The following HTR1F variants were observed in gnomAD, a reference collection of about 807,000 sequenced individuals.
HTR1F encodes 5-hydroxytryptamine receptor 1F.
A neutral mutation model predicts 24.0 loss-of-function variants in HTR1F; 17 were observed. That is an observed-to-expected ratio of 0.71 (90% CI 0.48 to 1.06). The LOEUF (loss-of-function observed/expected upper bound fraction) is 1.06, where lower values mean the gene tolerates loss of function less well. Among genes scored for constraint, HTR1F ranks in the 50% least tolerant of loss-of-function variants. The probability of loss-of-function intolerance (pLI) is 0.00; values close to 1 mark genes in which losing one functional copy is unlikely to be tolerated. For synonymous variants in HTR1F, 186 were observed against 156.8 expected (o/e 1.19, Z -1.39); for missense variants, 391 against 427.8 (o/e 0.91, Z 0.76).
intron 2 of HTR1F, among the ~76,000 whole-genome samples, chr3:87,901,827 T>C (rs897970505): frequency 5.3e-5 from 8 of 152,108 alleles, no homozygotes; most frequent in Non-Finnish European, 8.8e-5. Context: ...GTGACATATT[T>C]TATTTAGGCT....
At chr3:87,946,623 A>T (rs1451661145) in intron 2 of HTR1F, among the ~76,000 whole-genome samples, 195 of 89,928 alleles carry the variant, frequency 2.2e-3, no homozygotes, top group African/African-American at 7.0e-3. Context: ...ATATATATAT[A>T]TATATTTTTT....
chr3:87,913,679 C>A (rs1703829433), intron 2 of HTR1F, among the ~76,000 whole-genome samples: 1 of 152,088 alleles, frequency 6.6e-6, no homozygotes, highest in Non-Finnish European at 1.5e-5. Flanking sequence ...ATGGAATCAA[C>A]CTAAGCACCC....
chr3:87,845,845 A>C (rs1704928813), intron 2 of HTR1F, among the ~76,000 whole-genome samples: 1 of 152,000 alleles, frequency 6.6e-6, no homozygotes, highest in Non-Finnish European at 1.5e-5. Flanking sequence ...TATTTTATGG[A>C]ATATATATTT....
At chr3:87,955,862 T>G (rs1269023038) in intron 2 of HTR1F, among the ~76,000 whole-genome samples, 1 of 151,482 alleles carries the variant, frequency 6.6e-6, no homozygotes, top group East Asian at 1.9e-4. Flanking sequence ...TTAAATTTTG[T>G]GTCTATTTTT....
intron 2 of HTR1F, among the ~76,000 whole-genome samples, chr3:87,946,202 T>C (rs1268887603): frequency 1.3e-5 from 2 of 152,114 alleles, no homozygotes; most frequent in African/African-American, 4.8e-5. Flanking sequence ...CCCTGCCGGA[T>C]CCAGAGGGGT....
chr3:87,799,948 C>A (rs1703966877), intron 1 of HTR1F, among the ~76,000 whole-genome samples: 2 of 152,128 alleles, frequency 1.3e-5, no homozygotes, highest in African/African-American at 4.8e-5. Flanking sequence ...CTCCAAATTT[C>A]TTTTTTAAAG....
In HTR1F at chr3:87,836,118, A is replaced by G. The variant is rs373813910; in HGVS notation, c.-43+13994A>G. On this transcript the variant is annotated intron_variant, in intron 2 of 2. Transcript: ENST00000319595. ...TCTGCAAAGTGGTGAACATGTACCC[A>G]CTTGGCCAGATGGATTCCATGCTAG... 4.6e-4 allele frequency among the ~76,000 whole-genome samples: 70 copies of G among 152,324 alleles called. No individual in the cohort carries two copies. In the South Asian group the frequency reaches 0.014, roughly 30 times the overall value.
rs147336145 is a variant in HTR1F at position 87,981,414 on chromosome 3, C to T, written c.-42-9294C>T. Among the ~76,000 whole-genome samples the T allele has an allele frequency of 8.5e-4, 129 of 152,274 alleles. 3 individuals carry two copies. In the East Asian group the frequency reaches 0.016, roughly 19 times the overall value. ...TTCACCGTGTTGCCCACGCTAGTCT[C>T]GAACTCTTGAGCTCAAGCAATCTGC... On this transcript the variant is annotated intron_variant, in intron 2 of 2. Transcript: ENST00000319595.
intron 2 of HTR1F, among the ~76,000 whole-genome samples, chr3:87,957,881 A>G (rs556911716): frequency 6.6e-6 from 1 of 150,804 alleles, no homozygotes; most frequent in South Asian, 2.1e-4. Flanking sequence ...GGCTTTTTTC[A>G]TTTGTCTGTT....
At chr3:87,920,863 CT>C (rs1180479177) in intron 2 of HTR1F, among the ~76,000 whole-genome samples, 2 of 151,964 alleles carry the variant, frequency 1.3e-5, no homozygotes, top group African/African-American at 2.4e-5. Flanking sequence ...ACATCTGCCC[CT>C]GAACCTAAAA....
At chr3:87,947,956 TCTG>T (rs1704748117) in intron 2 of HTR1F, among the ~76,000 whole-genome samples, 1 of 152,178 alleles carries the variant, frequency 6.6e-6, no homozygotes, top group South Asian at 2.1e-4. Flanking sequence ...GCTGAAATTT[TCTG>T]CTATTTTTAA....
At chr3:87,955,551 G>A (rs1704925431) in intron 2 of HTR1F, among the ~76,000 whole-genome samples, 1 of 151,404 alleles carries the variant, frequency 6.6e-6, no homozygotes, top group Admixed American at 6.6e-5. Context: ...CATGGGTAAA[G>A]TCCTTGCAAT....
chr3:87,873,406 G>A (rs2107262071), intron 2 of HTR1F, among the ~76,000 whole-genome samples: 1 of 152,202 alleles, frequency 6.6e-6, no homozygotes, highest in Admixed American at 6.5e-5. Context: ...ATATCTGAGA[G>A]CAGAGAAGAT....
At chr3:87,944,386 C>G (rs1237450718) in intron 2 of HTR1F, among the ~76,000 whole-genome samples, 2 of 152,206 alleles carry the variant, frequency 1.3e-5, no homozygotes, top group Non-Finnish European at 2.9e-5. Context: ...GTGCAAACAG[C>G]TCCCACTTTT....
chr3:87,952,863 G>A (rs919012085), intron 2 of HTR1F, among the ~76,000 whole-genome samples: 5 of 150,420 alleles, frequency 3.3e-5, no homozygotes, highest in Admixed American at 1.3e-4. Flanking sequence ...TTTTTCTCAC[G>A]CTAATTACAC....
intron 1 of HTR1F, among the ~76,000 whole-genome samples, chr3:87,804,178 C>A (rs1213286345): frequency 6.6e-6 from 1 of 152,104 alleles, no homozygotes; most frequent in African/African-American, 2.4e-5. Context: ...TTTCATATTT[C>A]TCACCATCCA....
intron 2 of HTR1F, among the ~76,000 whole-genome samples, chr3:87,918,375 T>A (rs1346237218): frequency 6.6e-6 from 1 of 151,872 alleles, no homozygotes; most frequent in Non-Finnish European, 1.5e-5. Context: ...GCCAGAGCAA[T>A]CAGACAAGAG....
intron 2 of HTR1F, among the ~76,000 whole-genome samples, chr3:87,854,368 C>T (rs1705155003): frequency 6.6e-6 from 1 of 151,772 alleles, no homozygotes; most frequent in Non-Finnish European, 1.5e-5. Flanking sequence ...GTTTTTATTT[C>T]CAAGATTTTT....
At chr3:87,800,389 T>G (rs1703972732) in intron 1 of HTR1F, among the ~76,000 whole-genome samples, 1 of 152,196 alleles carries the variant, frequency 6.6e-6, no homozygotes, top group South Asian at 2.1e-4. Context: ...CTGAATATCC[T>G]TCCTTCCACC....
Sources: gnomAD v4.1 joint callset for allele counts (sites outside exome capture counted in the v4.1 genomes callset) on GRCh38, gnomAD v4.1.1 for gene constraint, MANE v1.5 for transcripts, NCBI Gene and HGNC (gene_info 2026-07-23, HGNC 2026-07-21) for gene names.